PRKCA: variants seen among roughly 807,000 people sequenced by gnomAD.
PRKCA encodes protein kinase C alpha, also known as protein kinase C alpha type.
In PRKCA, 27 loss-of-function variants were observed where a neutral mutation model predicts 87.0. That is an observed-to-expected ratio of 0.31 (90% CI 0.23 to 0.43). PRKCA has a LOEUF of 0.43. PRKCA is among the 20% of genes least tolerant of loss of function. PRKCA has a pLI of 1.00. For synonymous variants in PRKCA, 329 were observed against 311.1 expected, an observed-to-expected ratio of 1.06 and a Z score of -0.61; for missense variants, 518 against 852.3, an observed-to-expected ratio of 0.61 and a Z score of 4.88.
intron 2 of PRKCA, among the ~76,000 whole-genome samples, chr17:66,351,669 C>T (rs905121651): frequency 3.9e-5 from 6 of 152,088 alleles, no homozygotes; most frequent in Admixed American, 6.5e-5. Context: ...ACTTTTTAAA[C>T]GATTAAACAT....
chr17:66,717,633 C>T (rs890852953), intron 8 of PRKCA, among the ~76,000 whole-genome samples: 8 of 152,208 alleles, frequency 5.3e-5, no homozygotes, highest in Non-Finnish European at 8.8e-5. Context: ...GGGAAACGTA[C>T]GGGATGATCC....
At chr17:66,731,749 C>T (rs374167420) in intron 8 of PRKCA, among the ~76,000 whole-genome samples, 4 of 146,768 alleles carry the variant, frequency 2.7e-5, no homozygotes, top group South Asian at 4.5e-4. Flanking sequence ...ATTCTTCAGG[C>T]GCAAAGGGCG....
At chr17:66,390,440 C>T (rs1248217399) in intron 2 of PRKCA, among the ~76,000 whole-genome samples, 2 of 152,266 alleles carry the variant, frequency 1.3e-5, no homozygotes, top group South Asian at 2.1e-4. Context: ...AGTGGGCTCT[C>T]GCTCAGCTTT....
At chr17:66,450,925 A>G (rs773291986) in intron 2 of PRKCA, among the ~76,000 whole-genome samples, 19 of 152,248 alleles carry the variant, frequency 1.2e-4, no homozygotes, top group Non-Finnish European at 1.9e-4. Context: ...GCAGGGGTTT[A>G]CTGCTGAGTG....
At chr17:66,638,876 A>G (rs1377544103) in intron 3 of PRKCA, among the ~76,000 whole-genome samples, 2 of 152,132 alleles carry the variant, frequency 1.3e-5, no homozygotes, top group East Asian at 1.9e-4. Flanking sequence ...AGCCTTTGGC[A>G]TATATGTGGC....
chr17:66,554,624 G>C (rs2143249058), intron 3 of PRKCA: 1 of 777,738 alleles, frequency 1.3e-6, no homozygotes, highest in East Asian at 1.3e-4. Flanking sequence ...TTTTTTGGTG[G>C]GGGGCACTAG....
rs897123678 is a variant in PRKCA at position 66,778,250 on chromosome 17, A to C, written c.1605+4183A>C. On this transcript the variant is annotated intron_variant, in intron 14 of 16. Transcript: ENST00000413366. ...CGGTGATGGCTGGGCCCGGTGGCTCACACCTGTAATCCCAGCACTTCGGGA... is the reference window on the plus strand; with the variant it reads ...CGGTGATGGCTGGGCCCGGTGGCTCCCACCTGTAATCCCAGCACTTCGGGA... The C allele has an allele frequency of 5.4e-5, 52 of 971,326 alleles. No individual in the cohort carries two copies. The Admixed American group carries it at 3.1e-3, about 59-fold the overall frequency. The allele number at this position is 971,326 out of a possible 1,614,324, so 60.2% of individuals were successfully genotyped here. A position where few individuals can be genotyped will look rare whatever the true frequency, so the allele number is the denominator to read the frequency against.
intron 3 of PRKCA, among the ~76,000 whole-genome samples, chr17:66,504,870 G>A (rs1453881157): frequency 6.6e-6 from 1 of 152,188 alleles, no homozygotes; most frequent in Non-Finnish European, 1.5e-5. Context: ...ACACTCAGGT[G>A]ACATATTTGC....
chr17:66,652,012 G>A (rs1478889061), intron 5 of PRKCA, among the ~76,000 whole-genome samples: 1 of 152,162 alleles, frequency 6.6e-6, no homozygotes, highest in Non-Finnish European at 1.5e-5. Flanking sequence ...AGCCTGGAGT[G>A]CAATGGTGCA....
rs1389597551 is a variant in PRKCA at position 66,604,814 on chromosome 17, ATG to A, written c.289-36540_289-36539del. On this transcript the variant is annotated intron_variant, in intron 3 of 16. Transcript: ENST00000413366. ...TGTGCAAAGTAAAATTTTTACAATT[ATG>A]ATTGCACTTCTAGGATTTAGTAAAC... Among the ~76,000 whole-genome samples, 10 of 152,366 alleles carry A rather than the reference ATG, an allele frequency of 6.6e-5. 1 individual carries two copies. In the East Asian group the frequency reaches 1.9e-3, roughly 29 times the overall value.
intron 2 of PRKCA, among the ~76,000 whole-genome samples, chr17:66,388,155 C>T (rs1157316971): frequency 6.7e-6 from 1 of 149,620 alleles, no homozygotes; most frequent in Admixed American, 6.6e-5. Flanking sequence ...CTGGACGTGT[C>T]ATGACATAAC....
intron 2 of PRKCA, among the ~76,000 whole-genome samples, chr17:66,494,930 G>A (rs551602844): frequency 1.7e-3 from 257 of 151,982 alleles, no homozygotes; most frequent in Non-Finnish European, 3.0e-3. Flanking sequence ...TGGTGAAACC[G>A]TGTCTCTACA....
chr17:66,458,266 C>T (rs1914663355), intron 2 of PRKCA, among the ~76,000 whole-genome samples: 1 of 152,098 alleles, frequency 6.6e-6, no homozygotes, highest in Non-Finnish European at 1.5e-5. Context: ...GTTGCTATGT[C>T]AATTAATCTG....
At chr17:66,347,405 T>C (rs1250162991) in intron 2 of PRKCA, among the ~76,000 whole-genome samples, 3 of 152,224 alleles carry the variant, frequency 2.0e-5, no homozygotes, top group African/African-American at 7.2e-5. Context: ...CTTTTTCACG[T>C]AACTGGAGAT....
chr17:66,804,998 A>G lies in PRKCA; in HGVS notation c.*961A>G. ...GTACGCCCTCTCCCCTTTTGTGCTT[A>G]TTTATTTAATAGGCTGCAGTGTCGC... On this transcript the variant is annotated 3_prime_UTR_variant, in exon 17 of 17. Transcript: ENST00000413366. 2 of 985,126 alleles carry G rather than the reference A, an allele frequency of 2.0e-6. No individual in the cohort carries two copies. Among genetic ancestry groups the G allele is most frequent in the South Asian group, 9.4e-5 (2 of 21,270 alleles). 61.0% of individuals were successfully genotyped at this position (985,126 alleles called of 1,614,324 possible).
At chr17:66,622,575 T>C (rs1216190007) in intron 3 of PRKCA, among the ~76,000 whole-genome samples, 1 of 152,218 alleles carries the variant, frequency 6.6e-6, no homozygotes, top group Non-Finnish European at 1.5e-5. Context: ...AAAGTAGATA[T>C]TAGAGTAACA....
At chr17:66,568,462 T>TGCTG (rs1432731195) in intron 3 of PRKCA, among the ~76,000 whole-genome samples, 1 of 152,074 alleles carries the variant, frequency 6.6e-6, no homozygotes, top group African/African-American at 2.4e-5. Context: ...TGAGTGCGGG[T>TGCTG]GCTGGGTCCT....
chr17:66,419,704 C>T (rs191428819), intron 2 of PRKCA, among the ~76,000 whole-genome samples: 134 of 152,016 alleles, frequency 8.8e-4, no homozygotes, highest in African/African-American at 5.8e-4. Flanking sequence ...ATGAGAAAAA[C>T]GGCACAACAC....
At position 66,741,607 on chromosome 17, in the gene PRKCA, A is replaced by G. The variant is rs1039339198; in HGVS notation, c.1323-52A>G. On this transcript the variant is annotated intron_variant, in intron 11 of 16. Transcript: ENST00000413366. Reference sequence around the variant, plus strand: ...GCTTGAATTTGAGAATGTAAAGTATACAGGCATCTAAGGAAGCAAGTGAGA... The same window carrying G: ...GCTTGAATTTGAGAATGTAAAGTATGCAGGCATCTAAGGAAGCAAGTGAGA... 2.2e-5 allele frequency: 35 copies of G among 1,561,736 alleles called. No individual in the cohort carries two copies. In the Admixed American group the frequency reaches 5.8e-4, roughly 26 times the overall value.
Sources: gnomAD v4.1 joint callset for allele counts (sites outside exome capture counted in the v4.1 genomes callset) on GRCh38, gnomAD v4.1.1 for gene constraint, MANE v1.5 for transcripts, NCBI Gene and HGNC (gene_info 2026-07-23, HGNC 2026-07-21) for gene names.